Variants in C1orf87 observed in about 807,000 individuals in gnomAD.
C1orf87 encodes the protein uncharacterized protein C1orf87.
Under a neutral mutation model 60.5 loss-of-function variants are expected in C1orf87, and 58 were observed. The ratio of observed to expected loss-of-function variants is 0.96; its 90% CI spans 0.78 to 1.19. The LOEUF is 1.19. C1orf87 is among the 50% of genes most tolerant of loss of function. The probability of loss-of-function intolerance (pLI) is 0.00; values close to 1 mark genes in which losing one functional copy is unlikely to be tolerated. For missense variants in C1orf87, 673 were observed against 638.6 expected, an observed-to-expected ratio of 1.05 and a Z score of -0.58; for synonymous variants, 236 against 227.4, an observed-to-expected ratio of 1.04 and a Z score of -0.34.
chr1:60,003,486 A>C (rs1392128399), intron 9 of C1orf87, among the ~76,000 whole-genome samples: 1 of 150,424 alleles, frequency 6.6e-6, no homozygotes, highest in Non-Finnish European at 1.5e-5. Context: ...AAAAAATCAC[A>C]AAAAAAAAGA....
intron 11 of C1orf87, among the ~76,000 whole-genome samples, chr1:59,993,832 C>T (rs1168918002): frequency 7.0e-6 from 1 of 142,310 alleles, no homozygotes; most frequent in Non-Finnish European, 1.5e-5. Context: ...GATCCCGGTT[C>T]ACTGCAACCT....
At chr1:60,023,137 T>C (rs1645175278) in intron 8 of C1orf87, among the ~76,000 whole-genome samples, 1 of 152,188 alleles carries the variant, frequency 6.6e-6, no homozygotes, top group Non-Finnish European at 1.5e-5. Flanking sequence ...TACCACTGGG[T>C]TAAGCAATTT....
At chr1:60,064,182 T>G (rs12725061) in intron 2 of C1orf87, among the ~76,000 whole-genome samples, 19,098 of 150,020 alleles carry the variant, frequency 0.13, 1,541 homozygotes, top group East Asian at 0.27. Flanking sequence ...GTTCTTCACC[T>G]TGTGATGGCC....
chr1:60,003,743 A>T (rs2100246420), intron 9 of C1orf87, among the ~76,000 whole-genome samples: 1 of 152,194 alleles, frequency 6.6e-6, no homozygotes, highest in Admixed American at 6.5e-5. Flanking sequence ...TAAATACTCA[A>T]TGAATACATG....
chr1:60,007,490 T>A (rs904082961), intron 9 of C1orf87, among the ~76,000 whole-genome samples: 1 of 152,108 alleles, frequency 6.6e-6, no homozygotes, highest in Non-Finnish European at 1.5e-5. Flanking sequence ...ATCTATGTCC[T>A]GCTTTACATC....
chr1:60,018,537 T>C (rs759645689), intron 8 of C1orf87, among the ~76,000 whole-genome samples: 3 of 152,224 alleles, frequency 2.0e-5, no homozygotes, highest in Non-Finnish European at 2.9e-5. Flanking sequence ...TCAACAAATA[T>C]CTATTGAGTC....
intron 2 of C1orf87, among the ~76,000 whole-genome samples, chr1:60,066,968 G>C (rs1393297215): frequency 6.6e-6 from 1 of 152,168 alleles, no homozygotes; most frequent in Middle Eastern, 3.4e-3. Flanking sequence ...TGAGAATGAT[G>C]GTTTCCAGCT....
Position 60,025,449 on chromosome 1 carries a change from A to G in C1orf87, c.1079T>C (p.Leu360Pro). The G allele has an allele frequency of 1.2e-6, 2 of 1,613,574 alleles. No individual in the cohort carries two copies. The highest frequency in any genetic ancestry group is 1.7e-6 in the Non-Finnish European group (2 of 1,179,680). The change falls in exon 8 of 12, where the codon CTG becomes CCG. Residue 360 changes from leucine (L) to proline (P), a missense_variant. Leu to Pro is a moderately conservative substitution (Grantham distance 98, BLOSUM62 -3). Transcript: ENST00000371201. ...KHGLYLTLSL[L>P]ETLLNHQDLG... ...ATCTTGATGGTTAAGCAATGTTTCC[A>G]GCAGGCTCAGGGTCAGATATAATCC...
chr1:59,996,831 A>G (rs1644966618), intron 11 of C1orf87, among the ~76,000 whole-genome samples: 1 of 152,310 alleles, frequency 6.6e-6, no homozygotes, highest in East Asian at 1.9e-4. Context: ...ACACTGGCTC[A>G]TGTATTTCTT....
At chr1:60,055,570 A>G in intron 2 of C1orf87, 132 bp from the exon 3 acceptor site, 1 of 697,628 alleles carries the variant, frequency 1.4e-6, no homozygotes, top group Non-Finnish European at 2.4e-6. Context: ...GGAAGCATAA[A>G]CATTGGTTAT....
intron 2 of C1orf87, among the ~76,000 whole-genome samples, chr1:60,071,783 T>C (rs1645585978): frequency 6.6e-6 from 1 of 152,220 alleles, no homozygotes; most frequent in Non-Finnish European, 1.5e-5. Context: ...CAATACCATA[T>C]CTTTGTATAT....
chr1:60,049,923 G>A (rs1645401766), intron 3 of C1orf87, among the ~76,000 whole-genome samples: 3 of 152,040 alleles, frequency 2.0e-5, no homozygotes, highest in South Asian at 2.1e-4. Context: ...ATATGCCAGT[G>A]GGTTTATTTC....
At chr1:60,023,342 G>A (rs1173820786) in intron 8 of C1orf87, among the ~76,000 whole-genome samples, 1 of 151,964 alleles carries the variant, frequency 6.6e-6, no homozygotes, top group African/African-American at 2.4e-5. Context: ...TTAGGCTGCT[G>A]GTGTCACAAG....
At chr1:60,069,476 G>C (rs760909900) in intron 2 of C1orf87, among the ~76,000 whole-genome samples, 1 of 146,866 alleles carries the variant, frequency 6.8e-6, no homozygotes, top group African/African-American at 2.5e-5. Flanking sequence ...AGTGACCTAG[G>C]AGGAAGATGA....
chr1:60,001,049 C>T, intron 10 of C1orf87, 28 bp downstream of exon 10: 3 of 1,583,586 alleles, frequency 1.9e-6, no homozygotes, highest in Admixed American at 1.7e-5. Flanking sequence ...AAACCTTCCC[C>T]CAAACTCTAT....
At chr1:60,071,843 T>C (rs1369520171) in intron 2 of C1orf87, among the ~76,000 whole-genome samples, 4 of 152,214 alleles carry the variant, frequency 2.6e-5, no homozygotes, top group Admixed American at 1.3e-4. Context: ...AAGGAAATAA[T>C]CTTAGGAAGG....
In C1orf87 at chr1:60,072,562, GA is replaced by G; in HGVS notation, c.81del (p.Gln28AsnfsTer15). On this transcript the variant is annotated frameshift_variant, in exon 2 of 12. Coordinates refer to ENST00000371201, the MANE Select transcript of C1orf87 (RefSeq NM_152377.3). LOFTEE classifies it high-confidence loss of function. ...IMVKIIGSKHFQYLVEKPKIK... is the reference protein window; with the variant it reads ...IMVKIIGSKHXQYLVEKPKIK... The stretch of plus-strand genomic sequence containing the variant: ...ATCTTTGGCTTCTCCACGAGGTATT[GA>G]AAGTGTTTACTTCCAATGATTTTCA... 1 of 1,612,398 alleles carries G rather than the reference GA, an allele frequency of 6.2e-7. No homozygotes were observed. Among genetic ancestry groups the G allele is most frequent in the Non-Finnish European group, 8.5e-7 (1 of 1,179,636 alleles).
chr1:60,051,413 A>G (rs1645413511), intron 3 of C1orf87, among the ~76,000 whole-genome samples: 1 of 152,206 alleles, frequency 6.6e-6, no homozygotes, highest in South Asian at 2.1e-4. Flanking sequence ...CTTAAAATGC[A>G]CTTGTGTAAT....
At chr1:60,014,293 G>A (rs17119995) in intron 8 of C1orf87, among the ~76,000 whole-genome samples, 2,284 of 152,218 alleles carry the variant, frequency 0.015, 44 homozygotes, top group African/African-American at 0.052. Flanking sequence ...TGAAGGGATA[G>A]AGTATTTTCT....
Sources: allele counts gnomAD v4.1 joint callset (sites outside exome capture counted in the v4.1 genomes callset), GRCh38; gene constraint gnomAD v4.1.1; transcripts MANE v1.5; gene names NCBI Gene and HGNC (gene_info 2026-07-23, HGNC 2026-07-21).